Variants in IFT140 observed in about 807,000 individuals in gnomAD.
IFT140 encodes the protein intraflagellar transport protein 140 homolog.
IFT140 carries 133 observed loss-of-function variants against 164.6 expected under a neutral mutation model. The ratio of observed to expected loss-of-function variants is 0.81; its 90% confidence interval spans 0.70 to 0.93. The LOEUF (loss-of-function observed/expected upper bound fraction) is 0.93, where lower values mean the gene tolerates loss of function less well. IFT140 is among the 40% of genes least tolerant of loss of function. The pLI, the probability that IFT140 is intolerant of heterozygous loss-of-function variation, is 0.00. For synonymous variants in IFT140, 860 were observed against 817.3 expected, an observed-to-expected ratio of 1.05 and a Z score of -0.89; for missense variants, 2,045 against 1,972.3, an observed-to-expected ratio of 1.04 and a Z score of -0.70.
chr16:1,544,766 A>C (rs566885881), intron 19 of IFT140, among the ~76,000 whole-genome samples: 6 of 151,394 alleles, frequency 4.0e-5, no homozygotes, highest in African/African-American at 1.2e-4. Context: ...CTCCTGCCTC[A>C]GCCTCCCGAG....
intron 8 of IFT140, 21 bp from the exon 9 acceptor site, chr16:1,587,325 C>T (rs771227223): frequency 6.7e-6 from 10 of 1,503,604 alleles, no homozygotes; most frequent in Admixed American, 5.0e-5. Flanking sequence ...AGAAAGCAAG[C>T]CCCATGGAGG....
chr16:1,543,831 C>T (rs1006481818), intron 19 of IFT140, among the ~76,000 whole-genome samples: 18 of 152,122 alleles, frequency 1.2e-4, no homozygotes, highest in African/African-American at 4.3e-4. Context: ...CTGAAATGGC[C>T]AATCTCTACC....
In IFT140 at chr16:1,520,820, C is replaced by A. The variant is rs1359846602; in HGVS notation, c.3454-12G>T. The A allele has an allele frequency of 1.9e-6, 3 of 1,598,720 alleles. No homozygotes were observed. Among genetic ancestry groups the A allele is most frequent in the Non-Finnish European group, 2.5e-6 (3 of 1,178,768 alleles). On this transcript the variant is annotated splice_polypyrimidine_tract_variant and intron_variant, in intron 26 of 30. Transcript: ENST00000426508. ...AGGGCTTCCTGATACTGCAAAGGTG[C>A]AGAAATGGGACGGGGCTGCCGAGGG... is the stretch of plus-strand genomic sequence containing the variant.
intron 3 of IFT140, among the ~76,000 whole-genome samples, chr16:1,606,820 C>T (rs930999791): frequency 7.2e-5 from 11 of 152,084 alleles, no homozygotes; most frequent in East Asian, 1.9e-4. Flanking sequence ...AATACACACA[C>T]GCACCACACG....
intron 18 of IFT140, 150 bp downstream of exon 18, chr16:1,561,835 G>T: frequency 1.4e-6 from 1 of 689,930 alleles, no homozygotes; most frequent in Non-Finnish European, 2.3e-6. Context: ...CGACAAGTGA[G>T]ACTGGATGGC....
At chr16:1,523,172 T>C (rs1286388077) in intron 26 of IFT140, among the ~76,000 whole-genome samples, 1 of 146,092 alleles carries the variant, frequency 6.8e-6, no homozygotes, top group East Asian at 2.0e-4. Context: ...TGAACCAAGA[T>C]GGCACCACCA....
chr16:1,530,916 A>G (rs971114748), intron 19 of IFT140: 1 of 152,364 alleles, frequency 6.6e-6, no homozygotes, highest in African/African-American at 2.4e-5. Context: ...TGGAGGCTGG[A>G]CACGCCCTCC....
At chr16:1,596,303 C>A (rs576322898) in intron 4 of IFT140, among the ~76,000 whole-genome samples, 1 of 152,088 alleles carries the variant, frequency 6.6e-6, no homozygotes, top group Admixed American at 6.5e-5. Flanking sequence ...TTCCTGTGCC[C>A]TTCACATGTC....
rs1465499017 is a variant in IFT140 at position 1,568,386 on chromosome 16, T to A, written c.1653-52A>T. ...GCCCGCCAGAGGCCCAGTTCCCAAT[T>A]CTCCGCCCACCCTGAAACCTCTGTT... On this transcript the variant is annotated intron_variant, in intron 14 of 30. Transcript: ENST00000426508. The A allele has an allele frequency of 3.5e-6, 5 of 1,409,264 alleles. No homozygotes were observed. The Admixed American group carries it at 5.1e-5, about 14-fold the overall frequency. The allele number at this position is 1,409,264 out of a possible 1,614,324, so 87.3% of individuals were successfully genotyped here.
chr16:1,558,347 T>C (rs1257053254), intron 18 of IFT140, among the ~76,000 whole-genome samples: 2 of 152,226 alleles, frequency 1.3e-5, no homozygotes, highest in African/African-American at 4.8e-5. Context: ...CTTCAGATAA[T>C]GGGTAAGCAA....
At chr16:1,611,063 T>C (rs2036303474) in intron 1 of IFT140, among the ~76,000 whole-genome samples, 1 of 152,144 alleles carries the variant, frequency 6.6e-6, no homozygotes, top group Admixed American at 6.5e-5. Context: ...GGGCTCCGCT[T>C]TTCTAGTTTC....
At position 1,524,893 on chromosome 16, in the gene IFT140, T is replaced by C. The variant is rs752903993; in HGVS notation, c.2888A>G (p.Gln963Arg). Residue 963 changes from glutamine to arginine, a missense_variant, in exon 23 of 31, where the codon CAG becomes CGG. Coordinates refer to ENST00000426508, the MANE Select transcript of IFT140 (RefSeq NM_014714.4). ...KDKTLWRWWA[Q>R]YLESQGEMDA... The stretch of plus-strand genomic sequence containing the variant: ...CATCTCGCCCTGGCTCTCCAGGTAC[T>C]GCGCCCACCACCGCCACAGGGTCCT... The C allele has an allele frequency of 6.2e-7, 1 of 1,609,592 alleles. No individual in the cohort carries two copies. The highest frequency in any genetic ancestry group is 8.5e-7 in the Non-Finnish European group (1 of 1,178,216).
intron 19 of IFT140, among the ~76,000 whole-genome samples, chr16:1,546,349 C>G (rs376675817): frequency 6.6e-6 from 1 of 152,174 alleles, no homozygotes; most frequent in African/African-American, 2.4e-5. Flanking sequence ...CCAGCTGGAT[C>G]GCTGGCTGGT....
At chr16:1,547,963 A>T (rs1238673164) in intron 19 of IFT140, among the ~76,000 whole-genome samples, 2 of 152,190 alleles carry the variant, frequency 1.3e-5, no homozygotes, top group Non-Finnish European at 2.9e-5. Context: ...GGTGTGGGCC[A>T]CTGCAATCAG....
chr16:1,532,948 C>G (rs1257477517), intron 19 of IFT140: 1 of 152,482 alleles, frequency 6.6e-6, no homozygotes, highest in Non-Finnish European at 1.5e-5. Context: ...GTGGCCCAGG[C>G]CCCACGTGAC....
At chr16:1,563,065 G>A (rs1241439126) in intron 17 of IFT140, among the ~76,000 whole-genome samples, 3 of 151,934 alleles carry the variant, frequency 2.0e-5, no homozygotes, top group Non-Finnish European at 1.5e-5. Flanking sequence ...GCCAGGAGAC[G>A]GCCCTACCTC....
intron 20 of IFT140, 28 bp downstream of exon 20, chr16:1,526,591 C>T: frequency 6.7e-7 from 1 of 1,496,308 alleles, no homozygotes; most frequent in Non-Finnish European, 8.8e-7. Context: ...GGTGCCTTCC[C>T]ACCCACCCCA....
chr16:1,537,100 G>A (rs1419883316), intron 19 of IFT140, among the ~76,000 whole-genome samples: 1 of 152,236 alleles, frequency 6.6e-6, no homozygotes, highest in Non-Finnish European at 1.5e-5. Flanking sequence ...CGTATGATGG[G>A]CTGCGACCGT....
intron 13 of IFT140, among the ~76,000 whole-genome samples, chr16:1,578,537 G>A (rs1483412395): frequency 6.6e-6 from 1 of 150,594 alleles, no homozygotes; most frequent in Admixed American, 6.6e-5. Context: ...GGAGCCAGGA[G>A]TTCAAGTCCA....
Sources: gnomAD v4.1 joint callset for allele counts (sites outside exome capture counted in the v4.1 genomes callset) on GRCh38, gnomAD v4.1.1 for gene constraint, MANE v1.5 for transcripts, NCBI Gene and HGNC (gene_info 2026-07-23, HGNC 2026-07-21) for gene names.